Variants in SERPINA11 observed in about 807,000 individuals in gnomAD.
SERPINA11 encodes the protein serpin family A member 11, also known as serpin A11.
SERPINA11 carries 28 observed loss-of-function variants against 29.4 expected under a neutral mutation model. The ratio of observed to expected loss-of-function variants is 0.95; its 90% CI spans 0.70 to 1.30. The LOEUF (loss-of-function observed/expected upper bound fraction) is 1.30. Among genes scored for constraint, SERPINA11 ranks in the 50% most tolerant of loss-of-function variants. SERPINA11 has a pLI of 0.00. For missense variants in SERPINA11, 530 were observed against 507.3 expected (o/e 1.04, Z -0.43); for synonymous variants, 253 against 206.6 (o/e 1.22, Z -1.92).
chr14:94,449,406 A>ATTCTTTCTTTCTTTCT (rs869124586), intron 1 of SERPINA11, among the ~76,000 whole-genome samples: 15 of 40,726 alleles, frequency 3.7e-4, no homozygotes, highest in Middle Eastern at 0.011. Context: ...CTTTCTTTCT[A>ATTCTTTCTTTCTTTCT]TTCTTTCTTT....
intron 3 of SERPINA11, among the ~76,000 whole-genome samples, chr14:94,444,218 A>G (rs1898394946): frequency 6.6e-6 from 1 of 152,144 alleles, no homozygotes; most frequent in Non-Finnish European, 1.5e-5. Context: ...AGAGCCCAAA[A>G]CACAGTGGAT....
At chr14:94,446,189 A>T (rs1898433847) in intron 3 of SERPINA11, 142 bp downstream of exon 3, 1 of 814,502 alleles carries the variant, frequency 1.2e-6, no homozygotes, top group South Asian at 1.7e-5. Flanking sequence ...AGGTGAGAAA[A>T]TTGCCAAGAT....
Position 94,448,178 on chromosome 14 carries a change from G to A in SERPINA11, c.597C>T (p.Phe199=), listed in dbSNP as rs1898482349. The A allele has an allele frequency of 1.2e-6, 2 of 1,614,222 alleles. No individual in the cohort carries two copies. The highest frequency in any genetic ancestry group is 1.7e-6 in the Non-Finnish European group (2 of 1,180,022). ...YGQVVDCLPE[F]SQDTFMVLAN... ...CAAGAACCATGAACGTGTCCTGGCT[G>A]AACTCCGGGAGGCAGTCCACGACTT... is the stretch of plus-strand genomic sequence containing the variant. Residue 199 remains phenylalanine, a synonymous_variant, in exon 2 of 5, where the codon TTC becomes TTT. Transcript: ENST00000334708.
chr14:94,450,390 C>T (rs976327952), intron 1 of SERPINA11, among the ~76,000 whole-genome samples: 1 of 152,156 alleles, frequency 6.6e-6, no homozygotes, highest in Non-Finnish European at 1.5e-5. Context: ...AATTTGGACA[C>T]AGACAACACA....
At chr14:94,450,362 G>A (rs1201561063) in intron 1 of SERPINA11, among the ~76,000 whole-genome samples, 1 of 152,172 alleles carries the variant, frequency 6.6e-6, no homozygotes, top group Non-Finnish European at 1.5e-5. Context: ...TATGACTGAT[G>A]TCCTTACAAG....
At chr14:94,446,237 G>T in intron 3 of SERPINA11, 94 bp downstream of exon 3, 1 of 1,174,152 alleles carries the variant, frequency 8.5e-7, no homozygotes, top group Non-Finnish European at 1.2e-6. Context: ...GAGCCTAATC[G>T]AGATGGATGT....
chr14:94,449,455 T>TTC (rs1566784688), intron 1 of SERPINA11, among the ~76,000 whole-genome samples: 2 of 97,776 alleles, frequency 2.0e-5, no homozygotes, highest in African/African-American at 1.4e-4. Flanking sequence ...CTTTCTTTCT[T>TTC]TCTTTCTTTC....
chr14:94,449,481 C>CT (rs1566784762), intron 1 of SERPINA11, among the ~76,000 whole-genome samples: 7 of 75,110 alleles, frequency 9.3e-5, no homozygotes, highest in African/African-American at 6.9e-4. Flanking sequence ...TTCTTTCTTT[C>CT]TGTCTGTCTG....
intron 3 of SERPINA11, among the ~76,000 whole-genome samples, chr14:94,446,089 C>T (rs1898431330): frequency 6.6e-6 from 1 of 152,192 alleles, no homozygotes. Flanking sequence ...CTAAGTTCTA[C>T]ATTCTCTATG....
chr14:94,452,323 A>G (rs1898601392), intron 1 of SERPINA11, among the ~76,000 whole-genome samples: 1 of 152,142 alleles, frequency 6.6e-6, no homozygotes, highest in Non-Finnish European at 1.5e-5. Flanking sequence ...CAGGAGCAAG[A>G]CTCAGATTCC....
chr14:94,451,027 C>A (rs1046849885), intron 1 of SERPINA11, among the ~76,000 whole-genome samples: 1 of 152,214 alleles, frequency 6.6e-6, no homozygotes, highest in East Asian at 1.9e-4. Flanking sequence ...CCATTCATTG[C>A]GCAGCAGCTG....
rs188994371 is a variant in SERPINA11, at chr14:94,448,167, G to A, written c.608C>T (p.Thr203Met). The change falls in exon 2 of 5, where the codon ACG (threonine) becomes ATG (methionine). Residue 203 changes from threonine to methionine, a missense_variant. Thr to Met is a moderately conservative substitution (Grantham distance 81, BLOSUM62 -1). Coordinates refer to ENST00000334708, the MANE Select transcript of SERPINA11 (RefSeq NM_001080451.2). ...GATGTAATTGGCAAGAACCATGAAC[G>A]TGTCCTGGCTGAACTCCGGGAGGCA... ...VDCLPEFSQDTFMVLANYIFF... is the reference protein window; with the variant it reads ...VDCLPEFSQDMFMVLANYIFF... 12 of 1,614,154 alleles carry A rather than the reference G, an allele frequency of 7.4e-6. No homozygotes were observed. In the South Asian group the frequency reaches 8.8e-5, roughly 12 times the overall value.
At chr14:94,448,910 C>T (rs564679315) in intron 1 of SERPINA11, 133 bp from the exon 2 acceptor site, 101 of 746,304 alleles carry the variant, frequency 1.4e-4, no homozygotes, top group Middle Eastern at 1.2e-3. Context: ...GAAGACAAGG[C>T]TGTGGATGAT....
intron 4 of SERPINA11, 103 bp downstream of exon 4, chr14:94,442,975 G>T: frequency 7.1e-7 from 1 of 1,417,832 alleles, no homozygotes; most frequent in South Asian, 1.4e-5. Flanking sequence ...AGTCTGCACA[G>T]GACAAAGAAC....
chr14:94,447,407 C>A (rs1341463175), intron 2 of SERPINA11, among the ~76,000 whole-genome samples: 4 of 152,126 alleles, frequency 2.6e-5, no homozygotes, highest in African/African-American at 9.7e-5. Context: ...CCTCCAAAAC[C>A]ACAACTTTAT....
chr14:94,450,714 G>A (rs184370983), intron 1 of SERPINA11, among the ~76,000 whole-genome samples: 22 of 152,308 alleles, frequency 1.4e-4, no homozygotes, highest in African/African-American at 4.3e-4. Flanking sequence ...TGCCAGAAGA[G>A]CCTTTATTCC....
chr14:94,450,184 C>A (rs1566785061), intron 1 of SERPINA11, among the ~76,000 whole-genome samples: 1 of 152,010 alleles, frequency 6.6e-6, no homozygotes. Context: ...TTTTTATTGC[C>A]TCAGGGCTGT....
At chr14:94,452,069 G>A (rs1213935732) in intron 1 of SERPINA11, among the ~76,000 whole-genome samples, 1 of 152,206 alleles carries the variant, frequency 6.6e-6, no homozygotes, top group Admixed American at 6.5e-5. Flanking sequence ...AATGCCTGGT[G>A]GAGGGATGCT....
chr14:94,448,424 C>T lies in SERPINA11; in HGVS notation c.351G>A (p.Gln117=). Residue 117 remains glutamine (Q), a synonymous_variant, in exon 2 of 5, where the codon CAG becomes CAA. Transcript: ENST00000334708. ...LTETPEADIH[Q]GFRSLLHTLA... is the part of the protein sequence containing the mutation. ...GGGTGTGGAGGAGGCTCCGGAAGCC[C>T]TGGTGGATGTCGGCTTCAGGGGTTT... 1 of 1,614,142 alleles carries T rather than the reference C, an allele frequency of 6.2e-7. No individual in the cohort carries two copies. Among genetic ancestry groups the T allele is most frequent in the Non-Finnish European group, 8.5e-7 (1 of 1,180,010 alleles).
Sources: allele counts gnomAD v4.1 joint callset (sites outside exome capture counted in the v4.1 genomes callset), GRCh38; gene constraint gnomAD v4.1.1; transcripts MANE v1.5; gene names NCBI Gene and HGNC (gene_info 2026-07-23, HGNC 2026-07-21).